MROH2A: variants seen among roughly 807,000 people sequenced by gnomAD.
MROH2A encodes maestro heat like repeat family member 2A, also known as maestro heat-like repeat-containing protein family member 2A.
In MROH2A, 174 loss-of-function variants were observed where a neutral mutation model predicts 200.4. The observed-to-expected ratio is 0.87, with a 90% CI of 0.77 to 0.98. The LOEUF is 0.98. MROH2A is among the 50% of genes least tolerant of loss of function. The pLI is 0.00. For synonymous variants in MROH2A, 829 were observed against 840.4 expected (o/e 0.99, Z 0.23); for missense variants, 2,045 against 2,139.6 (o/e 0.96, Z 0.87).
intron 35 of MROH2A, among the ~76,000 whole-genome samples, chr2:233,826,962 T>C (rs1042196178): frequency 3.9e-5 from 6 of 151,956 alleles, no homozygotes; most frequent in African/African-American, 1.5e-4. Flanking sequence ...CGAATAAACA[T>C]ATGAAAAAAA....
At position 233,804,129 on chromosome 2, in the gene MROH2A, A is replaced by C. The variant is rs1352077775; in HGVS notation, c.1828A>C (p.Ile610Leu). 2 of 1,550,432 alleles carry C rather than the reference A, an allele frequency of 1.3e-6. No homozygotes were observed. The highest frequency in any genetic ancestry group is 3.9e-5 in the Admixed American group (2 of 50,982). Residue 610 changes from isoleucine (I) to leucine (L), a missense_variant, in exon 17 of 42, where the codon ATC becomes CTC. Physicochemically the swap from Ile to Leu is conservative, Grantham distance 5 (BLOSUM62 2). Transcript: ENST00000389758. Reference protein sequence around the residue: ...LNLLRTLSQSIAPSMADMWEL... With the variant: ...LNLLRTLSQSLAPSMADMWEL... ...CCTCTTGAGGACCCTGAGCCAGAGC[A>C]TCGCACCCTCCATGGCCGACATGTG...
At chr2:233,814,523 G>A in intron 25 of MROH2A, 59 bp from the exon 26 acceptor site, 1 of 1,266,916 alleles carries the variant, frequency 7.9e-7, no homozygotes. Flanking sequence ...CTCCCTGCAG[G>A]GAGGGGGGTT....
chr2:233,798,731 C>G, intron 11 of MROH2A, 43 bp from the exon 12 acceptor site: 2 of 1,462,086 alleles, frequency 1.4e-6, no homozygotes, highest in Non-Finnish European at 9.4e-7. Context: ...CTGACCTCTC[C>G]CTGAGCCACA....
intron 3 of MROH2A, among the ~76,000 whole-genome samples, chr2:233,787,803 T>TATATATATTATATATAC (rs1701361757): frequency 1.3e-4 from 1 of 7,646 alleles, no homozygotes; most frequent in African/African-American, 1.0e-3. Flanking sequence ...TAATATATAT[T>TATATATATTATATATAC]ATATATATTA....
chr2:233,792,145 G>A (rs560015761), intron 5 of MROH2A, among the ~76,000 whole-genome samples: 13 of 152,020 alleles, frequency 8.6e-5, no homozygotes, highest in East Asian at 7.7e-4. Context: ...GAGGATGGAC[G>A]CACTCTGGGG....
chr2:233,792,083 G>C (rs1417874375), intron 5 of MROH2A, among the ~76,000 whole-genome samples: 1 of 152,022 alleles, frequency 6.6e-6, no homozygotes, highest in Non-Finnish European at 1.5e-5. Flanking sequence ...CTGCTTCTGT[G>C]TTCGCCCAAG....
At chr2:233,780,683 G>A (rs185235104) in intron 3 of MROH2A, among the ~76,000 whole-genome samples, 1 of 152,258 alleles carries the variant, frequency 6.6e-6, no homozygotes, top group East Asian at 1.9e-4. Flanking sequence ...GACCGAATCA[G>A]GGTAATTAGT....
chr2:233,792,775 T>C (rs1701866504), intron 5 of MROH2A, 21 bp from the exon 6 acceptor site: 6 of 1,470,180 alleles, frequency 4.1e-6, no homozygotes, highest in Non-Finnish European at 5.6e-6. Context: ...CTTCCTGTAA[T>C]CATCCCTCAC....
intron 35 of MROH2A, 36 bp downstream of exon 35, chr2:233,823,700 G>A: frequency 6.5e-7 from 1 of 1,543,242 alleles, no homozygotes; most frequent in East Asian, 2.5e-5. Flanking sequence ...CGGGGTGCAA[G>A]CGGAGGGGAT....
chr2:233,829,197 CT>C, intron 37 of MROH2A, 125 bp downstream of exon 37: 1 of 895,606 alleles, frequency 1.1e-6, no homozygotes, highest in East Asian at 2.8e-5. Context: ...AGTTTAGCGA[CT>C]GGCTGATCAC....
chr2:233,815,094 A>T (rs1280667438), intron 26 of MROH2A, among the ~76,000 whole-genome samples: 1 of 152,220 alleles, frequency 6.6e-6, no homozygotes, highest in Non-Finnish European at 1.5e-5. Flanking sequence ...AATGTCCTTT[A>T]GAGCTGTTTT....
chr2:233,812,020 C>T, intron 24 of MROH2A, 61 bp downstream of exon 24: 7 of 1,138,452 alleles, frequency 6.1e-6, no homozygotes, highest in South Asian at 1.3e-5. Flanking sequence ...AAGACCATTC[C>T]TCGGTGCTCC....
At chr2:233,782,287 C>T (rs1321276640) in intron 3 of MROH2A, among the ~76,000 whole-genome samples, 1 of 152,108 alleles carries the variant, frequency 6.6e-6, no homozygotes, top group Non-Finnish European at 1.5e-5. Context: ...CTCTAAATTG[C>T]TTCTGGTAGT....
rs1037215739 is a variant in MROH2A at position 233,828,968 on chromosome 2, G to A, written c.4342G>A (p.Glu1448Lys). The part of the protein sequence containing the change: ...REPVSNSVTA[E>K]GMEALTKILA... ...GCCCGTGAGCAACAGCGTGACTGCC[G>A]AGGGCATGGAGGCCCTGACCAAGAT... Residue 1448 changes from glutamate to lysine, a missense_variant, in exon 37 of 42, where the codon GAG (glutamate) becomes AAG (lysine). Physicochemically the swap from Glu to Lys is moderately conservative, Grantham distance 56 (BLOSUM62 1). Coordinates refer to ENST00000389758, the MANE Select transcript of MROH2A (RefSeq NM_001394639.1). This position sits in a 1 kb window ranked among gnomAD's most constrained non-coding sequence, Gnocchi z 4.6. The A allele has an allele frequency of 3.5e-5, 55 of 1,550,534 alleles. No homozygotes were observed. In the African/African-American group the frequency reaches 6.3e-4, roughly 18 times the overall value.
intron 3 of MROH2A, among the ~76,000 whole-genome samples, chr2:233,788,856 G>A (rs181461375): frequency 2.0e-5 from 3 of 149,718 alleles, no homozygotes; most frequent in South Asian, 2.1e-4. Context: ...GGAGAATGGC[G>A]TGAACCCGGG....
chr2:233,804,277 G>A, intron 17 of MROH2A, 85 bp downstream of exon 17: 1 of 1,504,808 alleles, frequency 6.6e-7, no homozygotes, highest in Admixed American at 2.0e-5. Context: ...TGAATAACGA[G>A]AGCTGAGGCT....
chr2:233,829,626 G>A lies in MROH2A; in HGVS notation c.4453G>A (p.Glu1485Lys). 2.8e-6 allele frequency: 4 copies of A among 1,421,590 alleles called. No homozygotes were observed. The highest frequency in any genetic ancestry group is 2.8e-6 in the Non-Finnish European group (3 of 1,083,982). The allele number at this position is 1,421,590 out of a possible 1,614,324, so 88.1% of individuals were successfully genotyped here. The change falls in exon 38 of 42, where the codon GAG becomes AAG. Residue 1485 changes from glutamate (E) to lysine (K), a missense_variant. Physicochemically the swap from Glu to Lys is moderately conservative, Grantham distance 56. Transcript: ENST00000389758. ...GTGTCCATCCTGGCCACAGGAGAGC[G>A]AGCTGCTGCGTCTGAAAGCCTTCAT... ...QCRIFFDNES[E>K]LLRLKAFILF...
chr2:233,819,245 CAG>C, intron 29 of MROH2A, 70 bp from the exon 30 acceptor site: 1 of 1,436,518 alleles, frequency 7.0e-7, no homozygotes. Context: ...TGGGGTGGGA[CAG>C]GGGAGGAGAG....
In MROH2A at chr2:233,802,298, C is replaced by A. The variant is rs1160937659; in HGVS notation, c.1691C>A (p.Ala564Asp). The A allele has an allele frequency of 3.2e-6, 5 of 1,549,956 alleles. No homozygotes were observed. Among genetic ancestry groups the A allele is most frequent in the Non-Finnish European group, 4.4e-6 (5 of 1,146,666 alleles). Residue 564 changes from alanine to aspartate, a missense_variant, in exon 15 of 42, where the codon GCT (alanine) becomes GAT (aspartate). By Grantham distance (126) the Ala-to-Asp change is moderately radical. Around this residue, in one of 3 missense-constraint regions of MROH2A, gnomAD observed 831 missense variants for 800.0 expected, o/e 1.04. Coordinates refer to ENST00000389758, the MANE Select transcript of MROH2A (RefSeq NM_001394639.1). ...LHGQDVDVSV[A>D]GKSRQVDLPA... ...GGCCAGGATGTGGATGTCAGCGTGG[C>A]TGGCAAGAGCAGGCAAGGTGGGCAA...
Sources: gnomAD v4.1 joint callset for allele counts (sites outside exome capture counted in the v4.1 genomes callset) on GRCh38, gnomAD v4.1.1 for gene constraint, gnomAD v4.1.1 regional missense constraint, Gnocchi (gnomAD v3.1) non-coding constraint, MANE v1.5 for transcripts, NCBI Gene and HGNC (gene_info 2026-07-23, HGNC 2026-07-21) for gene names.